The following SLC35F4 variants were observed in gnomAD, a reference collection of about 807,000 sequenced individuals.
The protein encoded by SLC35F4 is chromosome 14 open reading frame 36.
Under a neutral mutation model 44.2 loss-of-function variants are expected in SLC35F4, and 24 were observed. The observed-to-expected ratio is 0.54, with a 90% CI of 0.39 to 0.76. SLC35F4 has a LOEUF of 0.76. SLC35F4 is among the 30% of genes least tolerant of loss of function. The pLI, the probability that SLC35F4 is intolerant of heterozygous loss-of-function variation, is 0.00. For missense variants in SLC35F4, 562 were observed against 586.1 expected (o/e 0.96, Z 0.42); for synonymous variants, 238 against 223.6 (o/e 1.06, Z -0.57).
chr14:57,977,931 C>T (rs1161759523), intron 1 of SLC35F4, among the ~76,000 whole-genome samples: 2 of 152,118 alleles, frequency 1.3e-5, no homozygotes, highest in Non-Finnish European at 2.9e-5. Context: ...ACATATATAC[C>T]TGTACTTTTG....
intron 1 of SLC35F4, among the ~76,000 whole-genome samples, chr14:57,697,693 C>T (rs113451759): frequency 0.089 from 4,430 of 49,978 alleles, 215 homozygotes; most frequent in African/African-American, 0.26. Flanking sequence ...AGAGTGAGAC[C>T]CTGTTTAAAA....
chr14:57,591,151 G>C (rs373763331), intron 2 of SLC35F4, among the ~76,000 whole-genome samples: 3 of 152,200 alleles, frequency 2.0e-5, no homozygotes, highest in African/African-American at 7.2e-5. Flanking sequence ...TCTACCAGGC[G>C]CTAGTTAGCT....
intron 1 of SLC35F4, among the ~76,000 whole-genome samples, chr14:57,658,599 A>C (rs1406813246): frequency 6.6e-6 from 1 of 152,186 alleles, no homozygotes; most frequent in Non-Finnish European, 1.5e-5. Flanking sequence ...TTTGTTTTTA[A>C]ATATAACAGC....
chr14:57,734,355 CTT>C (rs2076416452), intron 1 of SLC35F4, among the ~76,000 whole-genome samples: 1 of 152,132 alleles, frequency 6.6e-6, no homozygotes, highest in Admixed American at 6.5e-5. Flanking sequence ...ATAGATATCT[CTT>C]TGTTTAATCT....
At chr14:57,891,757 T>G (rs954747357) in intron 1 of SLC35F4, among the ~76,000 whole-genome samples, 1 of 152,006 alleles carries the variant, frequency 6.6e-6, no homozygotes, top group Non-Finnish European at 1.5e-5. Context: ...GCACCTGTAG[T>G]CCCAGCTACT....
At chr14:57,831,033 T>C (rs1035126564) in intron 1 of SLC35F4, among the ~76,000 whole-genome samples, 2 of 152,150 alleles carry the variant, frequency 1.3e-5, no homozygotes, top group Non-Finnish European at 2.9e-5. Context: ...GTATGCATGC[T>C]CTGTCAGAAT....
At chr14:57,602,764 G>C (rs1291162104) in intron 1 of SLC35F4, among the ~76,000 whole-genome samples, 1 of 152,138 alleles carries the variant, frequency 6.6e-6, no homozygotes, top group Non-Finnish European at 1.5e-5. Flanking sequence ...TACTAAAGAA[G>C]TGGTTGGGAT....
chr14:57,973,361 G>C (rs1332383306), downstream of SLC35F4, among the ~76,000 whole-genome samples: 1 of 152,158 alleles, frequency 6.6e-6, no homozygotes, highest in Non-Finnish European at 1.5e-5. Context: ...TCACTCACTA[G>C]GTTTCCTCGT....
intron 1 of SLC35F4, among the ~76,000 whole-genome samples, chr14:57,644,098 A>G (rs1264635328): frequency 2.0e-5 from 3 of 152,190 alleles, no homozygotes; most frequent in Non-Finnish European, 4.4e-5. Flanking sequence ...GTGTCTTTAT[A>G]GCAGCACGAT....
chr14:57,676,740 A>AT (rs2074707901), intron 1 of SLC35F4, among the ~76,000 whole-genome samples: 1 of 152,128 alleles, frequency 6.6e-6, no homozygotes, highest in Non-Finnish European at 1.5e-5. Context: ...AAGAATGGCC[A>AT]TAATTAAAAA....
chr14:57,601,433 T>A (rs1216663638), intron 1 of SLC35F4, among the ~76,000 whole-genome samples: 3 of 152,186 alleles, frequency 2.0e-5, no homozygotes, highest in Non-Finnish European at 4.4e-5. Context: ...CTGATCATAG[T>A]GCCCAACATT....
intron 1 of SLC35F4, among the ~76,000 whole-genome samples, chr14:57,936,963 G>A (rs146009445): frequency 3.3e-5 from 5 of 152,268 alleles, no homozygotes; most frequent in Non-Finnish European, 5.9e-5. Flanking sequence ...GAAATACACA[G>A]CAGTAAAGCA....
chr14:57,656,079 C>G (rs1283385840), intron 1 of SLC35F4, among the ~76,000 whole-genome samples: 1 of 152,036 alleles, frequency 6.6e-6, no homozygotes, highest in Non-Finnish European at 1.5e-5. Context: ...AGAGCAAATG[C>G]TGCACATCCC....
intron 1 of SLC35F4, among the ~76,000 whole-genome samples, chr14:57,646,084 C>CT (rs781247406): frequency 1.3e-5 from 2 of 152,180 alleles, no homozygotes; most frequent in East Asian, 1.9e-4. Context: ...CTAAAATTAT[C>CT]TTTTTTTGTT....
At chr14:57,861,762 A>T (rs56375299) in intron 1 of SLC35F4, among the ~76,000 whole-genome samples, 15,073 of 152,190 alleles carry the variant, frequency 0.099, 1,149 homozygotes, top group East Asian at 0.4. Context: ...TTCCAGGGTA[A>T]CACATGTTCC....
chr14:57,782,290 CA>C (rs1160024049), intron 1 of SLC35F4, among the ~76,000 whole-genome samples: 5 of 138,852 alleles, frequency 3.6e-5, no homozygotes, highest in Admixed American at 1.6e-4. Context: ...TCCCCTTATA[CA>C]TGGATTTTTT....
intron 1 of SLC35F4, among the ~76,000 whole-genome samples, chr14:57,822,043 G>C (rs549319720): frequency 6.6e-6 from 1 of 152,268 alleles, no homozygotes; most frequent in Admixed American, 6.5e-5. Context: ...CCCTACTACT[G>C]GCCCTGGCCT....
At chr14:57,739,671 A>G (rs768593703) in intron 1 of SLC35F4, among the ~76,000 whole-genome samples, 63 of 152,112 alleles carry the variant, frequency 4.1e-4, no homozygotes, top group Non-Finnish European at 4.1e-4. Context: ...TTAGGAGGAG[A>G]CAGTGTGGGC....
chr14:57,980,285 A>C (rs10147967), intron 1 of SLC35F4, among the ~76,000 whole-genome samples: 59,017 of 152,052 alleles, frequency 0.39, 11,533 homozygotes, highest in East Asian at 0.49. Flanking sequence ...TTGGAATTTT[A>C]GCTGTCAGGA....
Sources: allele counts gnomAD v4.1 joint callset (sites outside exome capture counted in the v4.1 genomes callset), GRCh38; gene constraint gnomAD v4.1.1; transcripts MANE v1.5; gene names NCBI Gene and HGNC (gene_info 2026-07-23, HGNC 2026-07-21).